C4orf51: variants seen among roughly 807,000 people sequenced by gnomAD.
The protein encoded by C4orf51 is chromosome 4 open reading frame 51.
C4orf51 carries 25 observed loss-of-function variants against 25.2 expected under a neutral mutation model. That is an observed-to-expected ratio of 0.99 (90% CI 0.72 to 1.39). The LOEUF (loss-of-function observed/expected upper bound fraction) is 1.39, where lower values mean the gene tolerates loss of function less well. Among genes scored for constraint, C4orf51 ranks in the 40% most tolerant of loss-of-function variants. The pLI, the probability that C4orf51 is intolerant of heterozygous loss-of-function variation, is 0.00. For synonymous variants in C4orf51, 100 were observed against 84.5 expected, an observed-to-expected ratio of 1.18 and a Z score of -1.01; for missense variants, 252 against 239.6, an observed-to-expected ratio of 1.05 and a Z score of -0.34.
intron 3 of C4orf51, among the ~76,000 whole-genome samples, chr4:145,727,920 TATAA>T (rs1732168196): frequency 9.7e-6 from 1 of 102,896 alleles, no homozygotes; most frequent in African/African-American, 4.9e-5. Flanking sequence ...TATATATATA[TATAA>T]AATATATTAT....
rs907372469 is a variant in C4orf51 at position 145,696,643 on chromosome 4, C to G, written c.307+11C>G. 3 of 1,604,364 alleles carry G rather than the reference C, an allele frequency of 1.9e-6. No individual in the cohort carries two copies. The highest frequency in any genetic ancestry group is 1.7e-4 in the Middle Eastern group (1 of 6,040). On this transcript the variant is annotated intron_variant, in intron 2 of 5. Coordinates refer to ENST00000438731, the MANE Select transcript of C4orf51 (RefSeq NM_001080531.3). The stretch of plus-strand genomic sequence containing the variant: ...CTACAGATATCAAAGGTAAGTGCAA[C>G]ATGATCAGTTTCTGGGCCCAGCCCT...
chr4:145,682,801 C>T lies in C4orf51; in HGVS notation c.233+2365C>T, dbSNP rs74608638. On this transcript the variant is annotated intron_variant, in intron 1 of 5. Coordinates refer to ENST00000438731, the MANE Select transcript of C4orf51 (RefSeq NM_001080531.3). ...AAATATTGGTGTCAATCCCAGTTGTCTGCCATGGTTAAAATAAGGGAAGGG... is the reference window on the plus strand; with the variant it reads ...AAATATTGGTGTCAATCCCAGTTGTTTGCCATGGTTAAAATAAGGGAAGGG... 2.6e-5 allele frequency among the ~76,000 whole-genome samples: 4 copies of T among 152,252 alleles called. No homozygotes were observed. The East Asian group carries it at 7.7e-4, about 29-fold the overall frequency.
chr4:145,772,976 A>G (rs760307493), downstream of C4orf51, among the ~76,000 whole-genome samples: 13 of 152,028 alleles, frequency 8.6e-5, no homozygotes, highest in Non-Finnish European at 1.8e-4. Flanking sequence ...GCCTAGCCAT[A>G]TGGTTTCTAT....
intron 1 of C4orf51, among the ~76,000 whole-genome samples, chr4:145,694,972 T>C (rs1390224611): frequency 6.6e-6 from 1 of 152,168 alleles, no homozygotes; most frequent in Non-Finnish European, 1.5e-5. Flanking sequence ...GATAAGAAAG[T>C]CCAACTGTAG....
intron 2 of C4orf51, among the ~76,000 whole-genome samples, chr4:145,716,080 A>AC (rs778805512): frequency 4.3e-4 from 66 of 152,002 alleles, no homozygotes; most frequent in Non-Finnish European, 8.5e-4. Flanking sequence ...GTTATAGATA[A>AC]CCCCCCCAAA....
At chr4:145,697,350 G>C (rs1037528380) in intron 2 of C4orf51, among the ~76,000 whole-genome samples, 16 of 151,986 alleles carry the variant, frequency 1.1e-4, no homozygotes, top group African/African-American at 3.6e-4. Context: ...TGCCCAACTT[G>C]GCCTCCCGGA....
the C4orf51 span, among the ~76,000 whole-genome samples, chr4:145,785,779 T>A: frequency 2.3e-4 from 35 of 152,304 alleles, no homozygotes; most frequent in East Asian, 6.4e-3. Flanking sequence ...CCACATGAAA[T>A]CAATGCCAAA....
At chr4:145,760,165 C>T (rs1263559815) in intron 1 of C4orf51, 1 of 152,200 alleles carries the variant, frequency 6.6e-6, no homozygotes, top group African/African-American at 2.4e-5. Context: ...AGCACCAGGC[C>T]CTACCACTCT....
intron 1 of C4orf51, among the ~76,000 whole-genome samples, chr4:145,690,321 T>C (rs1370819707): frequency 4.6e-5 from 7 of 150,940 alleles, no homozygotes; most frequent in Non-Finnish European, 1.5e-5. Context: ...CTGGCTAACA[T>C]GGTGAAACCT....
chr4:145,685,669 C>T (rs191168490), intron 1 of C4orf51, among the ~76,000 whole-genome samples: 3 of 152,286 alleles, frequency 2.0e-5, no homozygotes, highest in East Asian at 1.9e-4. Context: ...GGTCAGTGGT[C>T]GATCTTTAAC....
chr4:145,741,976 C>T (rs1733126994), intron 1 of C4orf51, among the ~76,000 whole-genome samples: 1 of 152,204 alleles, frequency 6.6e-6, no homozygotes, highest in Non-Finnish European at 1.5e-5. Flanking sequence ...GCTGAGATTA[C>T]AGACATGAGC....
At chr4:145,749,423 G>A (rs1186132445) in intron 1 of C4orf51, among the ~76,000 whole-genome samples, 1 of 151,964 alleles carries the variant, frequency 6.6e-6, no homozygotes, top group African/African-American at 2.4e-5. Context: ...TTATAGACAA[G>A]TGAGGATTTA....
rs199511104 is a variant in C4orf51, at chr4:145,680,253, C to G, written c.50C>G (p.Pro17Arg). The G allele has an allele frequency of 6.2e-7, 1 of 1,613,804 alleles. No homozygotes were observed. The highest frequency in any genetic ancestry group is 8.5e-7 in the Non-Finnish European group (1 of 1,179,846). The change falls in exon 1 of 6, where the codon CCT becomes CGT. Residue 17 changes from proline to arginine, a missense_variant. By Grantham distance (103) the Pro-to-Arg change is moderately radical (BLOSUM62 -2). Coordinates refer to ENST00000438731, the MANE Select transcript of C4orf51 (RefSeq NM_001080531.3). Reference protein sequence around the residue: ...LTPQILLPFSPLTSQEFDLIR... With the variant: ...LTPQILLPFSRLTSQEFDLIR... ...CCACAAATTCTTCTGCCCTTTAGCC[C>G]TCTTACTTCTCAAGAGTTTGATCTG...
chr4:145,741,678 CT>C (rs1027098920), intron 1 of C4orf51, among the ~76,000 whole-genome samples: 2 of 151,964 alleles, frequency 1.3e-5, no homozygotes, highest in African/African-American at 2.4e-5. Flanking sequence ...GATGCATTAA[CT>C]TTCTTTTTTT....
chr4:145,774,899 T>C (rs559256003), downstream of C4orf51, among the ~76,000 whole-genome samples: 1 of 152,322 alleles, frequency 6.6e-6, no homozygotes, highest in South Asian at 2.1e-4. Context: ...AACAATCACA[T>C]ATGTGTTATA....
chr4:145,708,538 A>G (rs1346778046), intron 2 of C4orf51, among the ~76,000 whole-genome samples: 1 of 152,188 alleles, frequency 6.6e-6, no homozygotes, highest in East Asian at 1.9e-4. Flanking sequence ...AGGGTTCCAG[A>G]ATGAACTGGT....
At position 145,765,395 on chromosome 4, in the gene C4orf51, C is replaced by A; in HGVS notation, n.167-5593C>A. 1 of 1,092,298 alleles carries A rather than the reference C, an allele frequency of 9.2e-7. No homozygotes were observed. Among genetic ancestry groups the A allele is most frequent in the Non-Finnish European group, 1.3e-6 (1 of 781,884 alleles). The allele number at this position is 1,092,298 out of a possible 1,614,324, so 67.7% of individuals were successfully genotyped here. On this transcript the variant is annotated intron_variant and non_coding_transcript_variant, in intron 1 of 1. Coordinates refer to the C4orf51 transcript ENST00000510096. The surrounding 1 kb of genome is among the most constrained non-coding windows in gnomAD (Gnocchi z 4.7). ...CCCCATACTCGGATTCAAATTAAGC[C>A]AAAAGAAATACAACCTTTAGGTGAG...
At chr4:145,777,013 CCA>C in the C4orf51 span, among the ~76,000 whole-genome samples, 2 of 152,164 alleles carry the variant, frequency 1.3e-5, no homozygotes, top group African/African-American at 4.8e-5. Flanking sequence ...AAGAACAACT[CCA>C]GTGTTCTATC....
chr4:145,741,736 C>T (rs566413795), intron 1 of C4orf51, among the ~76,000 whole-genome samples: 3 of 152,102 alleles, frequency 2.0e-5, no homozygotes, highest in East Asian at 1.9e-4. Context: ...CTCACTCTGT[C>T]GCCCAGGCTG....
Sources: gnomAD v4.1 joint callset for allele counts (sites outside exome capture counted in the v4.1 genomes callset) on GRCh38, gnomAD v4.1.1 for gene constraint, Gnocchi (gnomAD v3.1) non-coding constraint, MANE v1.5 for transcripts, NCBI Gene and HGNC (gene_info 2026-07-23, HGNC 2026-07-21) for gene names.